SPRED2: variants seen among roughly 807,000 people sequenced by gnomAD.
The protein encoded by SPRED2 is sprouty-related, EVH1 domain-containing protein 2.
A neutral mutation model predicts 43.0 loss-of-function variants in SPRED2; 47 were observed. The ratio of observed to expected loss-of-function variants is 1.09; its 90% CI spans 0.87 to 1.40. The LOEUF (loss-of-function observed/expected upper bound fraction) is 1.40. Among genes scored for constraint, SPRED2 ranks in the 40% most tolerant of loss-of-function variants. SPRED2 has a pLI of 0.00. For missense variants in SPRED2, 561 were observed against 586.4 expected (o/e 0.96, Z 0.45); for synonymous variants, 225 against 225.7 (o/e 1.00, Z 0.03).
At chr2:65,326,260 C>G (rs1176431834) in intron 4 of SPRED2, among the ~76,000 whole-genome samples, 1 of 152,114 alleles carries the variant, frequency 6.6e-6, no homozygotes, top group Non-Finnish European at 1.5e-5. Flanking sequence ...TTAACCTCAG[C>G]CTGAGAGTGT....
At chr2:65,430,667 G>C (rs1017909856) in intron 1 of SPRED2, among the ~76,000 whole-genome samples, 1 of 152,212 alleles carries the variant, frequency 6.6e-6, no homozygotes, top group African/African-American at 2.4e-5. Flanking sequence ...ACACTCCCCT[G>C]CAAAGACGCG....
At chr2:65,322,268 C>CTATATATATA (rs1558649721) in intron 4 of SPRED2, among the ~76,000 whole-genome samples, 1 of 38,370 alleles carries the variant, frequency 2.6e-5, no homozygotes, top group African/African-American at 1.5e-4. Flanking sequence ...CTCTCTCTCT[C>CTATATATATA]TCTATATATA....
intron 1 of SPRED2, among the ~76,000 whole-genome samples, chr2:65,367,486 T>A (rs1675008969): frequency 6.6e-6 from 1 of 152,210 alleles, no homozygotes; most frequent in Non-Finnish European, 1.5e-5. Flanking sequence ...AAAAATTTTT[T>A]TTTCAGTCCC....
In SPRED2 at chr2:65,312,231, A is replaced by G; in HGVS notation, c.*1270T>C. 1 of 985,710 alleles carries G rather than the reference A, an allele frequency of 1.0e-6. No homozygotes were observed. The highest frequency in any genetic ancestry group is 1.2e-6 in the Non-Finnish European group (1 of 829,926). 61.1% of individuals were successfully genotyped at this position (985,710 alleles called of 1,614,324 possible). ...AACCACCTGTGCACCCAAAGTGGCG[A>G]GTCTGGGTTTGGAGTTGCAGGAGAA... is the stretch of plus-strand genomic sequence containing the variant. On this transcript the variant is annotated 3_prime_UTR_variant, in exon 6 of 6. Coordinates refer to ENST00000356388, the MANE Select transcript of SPRED2 (RefSeq NM_181784.3).
At chr2:65,425,371 A>T (rs989537061) in intron 1 of SPRED2, among the ~76,000 whole-genome samples, 1 of 152,242 alleles carries the variant, frequency 6.6e-6, no homozygotes, top group Non-Finnish European at 1.5e-5. Context: ...TTACCCTCTA[A>T]GTGCAAGTAA....
intron 5 of SPRED2, 36 bp downstream of exon 5, chr2:65,316,697 AC>A: frequency 6.3e-7 from 1 of 1,583,660 alleles, no homozygotes; most frequent in South Asian, 1.2e-5. Flanking sequence ...CAGAGGCACC[AC>A]CCTGATGCCC....
chr2:65,423,990 T>C (rs909045170), intron 1 of SPRED2, among the ~76,000 whole-genome samples: 2 of 152,132 alleles, frequency 1.3e-5, no homozygotes, highest in South Asian at 2.1e-4. Flanking sequence ...GGTTTCTCCA[T>C]CTTGGTTGGG....
At chr2:65,414,799 G>A (rs1309885323) in intron 1 of SPRED2, among the ~76,000 whole-genome samples, 3 of 152,140 alleles carry the variant, frequency 2.0e-5, no homozygotes, top group Non-Finnish European at 2.9e-5. Flanking sequence ...CTTTTGGGGC[G>A]GGACAGGGAG....
At chr2:65,318,896 C>CT (rs1673324818) in intron 4 of SPRED2, among the ~76,000 whole-genome samples, 1 of 152,162 alleles carries the variant, frequency 6.6e-6, no homozygotes, top group Admixed American at 6.5e-5. Context: ...GATCCTCCTG[C>CT]TTTGGCCTCC....
chr2:65,314,171 TGTCCC>T lies in SPRED2; in HGVS notation c.589-7_589-3del. 6.3e-7 allele frequency: 1 copy of T among 1,586,612 alleles called. No individual in the cohort carries two copies. The highest frequency in any genetic ancestry group is 1.1e-5 in the South Asian group (1 of 89,156). Reference sequence around the variant, plus strand: ...CTGGCGGTAGGGCCTTGGCATCGGCTGTCCCGTAGGAGAGGAGACATTATTTTACA... The same window carrying T: ...CTGGCGGTAGGGCCTTGGCATCGGCTGTAGGAGAGGAGACATTATTTTACA... On this transcript the variant is annotated splice_region_variant and splice_polypyrimidine_tract_variant and intron_variant, in intron 5 of 5. Coordinates refer to ENST00000356388, the MANE Select transcript of SPRED2 (RefSeq NM_181784.3).
chr2:65,394,519 C>A (rs11683864), intron 1 of SPRED2, among the ~76,000 whole-genome samples: 7,705 of 152,254 alleles, frequency 0.051, 281 homozygotes, highest in Middle Eastern at 0.15. Flanking sequence ...TACTTTATGA[C>A]AACAGGTTTC....
chr2:65,357,817 T>C (rs1430009839), intron 1 of SPRED2, among the ~76,000 whole-genome samples: 3 of 152,144 alleles, frequency 2.0e-5, no homozygotes, highest in Admixed American at 1.3e-4. Context: ...TCAGGACAGG[T>C]GACCTAACCT....
At chr2:65,351,387 T>C (rs1674506849) in intron 1 of SPRED2, among the ~76,000 whole-genome samples, 1 of 152,176 alleles carries the variant, frequency 6.6e-6, no homozygotes, top group Non-Finnish European at 1.5e-5. Context: ...CCATAAATAC[T>C]TCCTACAGCC....
chr2:65,356,971 G>A (rs1674670910), intron 1 of SPRED2, among the ~76,000 whole-genome samples: 1 of 152,128 alleles, frequency 6.6e-6, no homozygotes, highest in South Asian at 2.1e-4. Context: ...TCCAGCCTGG[G>A]CAACAGAATG....
At chr2:65,322,189 G>A (rs942755781) in intron 4 of SPRED2, among the ~76,000 whole-genome samples, 2 of 134,254 alleles carry the variant, frequency 1.5e-5, no homozygotes, top group Admixed American at 1.6e-4. Flanking sequence ...ATTTTTCTAA[G>A]TAAATCATTT....
intron 4 of SPRED2, among the ~76,000 whole-genome samples, chr2:65,331,299 G>T (rs189609704): frequency 6.6e-6 from 1 of 152,280 alleles, no homozygotes; most frequent in Admixed American, 6.5e-5. Context: ...GCTGTCCCGC[G>T]TAACTTGCTG....
intron 1 of SPRED2, among the ~76,000 whole-genome samples, chr2:65,405,972 T>G (rs1024211086): frequency 2.6e-5 from 4 of 152,166 alleles, no homozygotes; most frequent in African/African-American, 9.7e-5. Flanking sequence ...CCCCCGCACT[T>G]TCTTCCTGGC....
At chr2:65,372,309 AG>A (rs1426688523) in intron 1 of SPRED2, among the ~76,000 whole-genome samples, 1 of 152,148 alleles carries the variant, frequency 6.6e-6, no homozygotes, top group African/African-American at 2.4e-5. Context: ...AGATAGTCTG[AG>A]TTTCTCCTGC....
chr2:65,342,315 G>C (rs1674214791), intron 2 of SPRED2, among the ~76,000 whole-genome samples: 1 of 140,266 alleles, frequency 7.1e-6, no homozygotes, highest in Non-Finnish European at 1.5e-5. Flanking sequence ...CGTATATTAT[G>C]TATGTATATT....
Sources: allele counts gnomAD v4.1 joint callset (sites outside exome capture counted in the v4.1 genomes callset), GRCh38; gene constraint gnomAD v4.1.1; transcripts MANE v1.5; gene names NCBI Gene and HGNC (gene_info 2026-07-23, HGNC 2026-07-21).